PPM1L: variants seen among roughly 807,000 people sequenced by gnomAD.
PPM1L encodes the protein protein phosphatase 1L.
PPM1L carries 13 observed loss-of-function variants against 31.4 expected under a neutral mutation model. The observed-to-expected ratio is 0.41, with a 90% CI of 0.27 to 0.66. The LOEUF is 0.66. PPM1L is among the 30% of genes least tolerant of loss of function. The pLI is 0.29. For synonymous variants in PPM1L, 184 were observed against 175.4 expected (o/e 1.05, Z -0.39); for missense variants, 326 against 453.7 (o/e 0.72, Z 2.56).
chr3:160,852,010 T>C (rs542721320), intron 1 of PPM1L, among the ~76,000 whole-genome samples: 7 of 152,362 alleles, frequency 4.6e-5, no homozygotes, highest in Non-Finnish European at 8.8e-5. Flanking sequence ...TTCTGTTTTA[T>C]ACATAATCAT....
intron 2 of PPM1L, among the ~76,000 whole-genome samples, chr3:161,003,989 C>T (rs1717603288): frequency 6.7e-6 from 1 of 148,532 alleles, no homozygotes; most frequent in South Asian, 2.2e-4. Flanking sequence ...TCATAGATAG[C>T]TCTTATTATT....
chr3:160,980,292 C>T (rs1716750834), intron 2 of PPM1L, among the ~76,000 whole-genome samples: 1 of 152,002 alleles, frequency 6.6e-6, no homozygotes. Context: ...TATTGCTTTT[C>T]TTTCAAGGCG....
rs528133542 is a variant in PPM1L at position 161,063,290 on chromosome 3, A to G, written c.575-2113A>G. On this transcript the variant is annotated intron_variant, in intron 2 of 3. Transcript: ENST00000498165. ...GCTTTTGCTTAATTTTCATTCTTAT[A>G]GCTTTTTAAAAATTGTTTTGATAAT... 2.0e-5 allele frequency among the ~76,000 whole-genome samples: 3 copies of G among 152,238 alleles called. No individual in the cohort carries two copies. The South Asian group carries it at 6.2e-4, about 32-fold the overall frequency.
chr3:160,954,640 G>A (rs1336412903), intron 1 of PPM1L, among the ~76,000 whole-genome samples: 1 of 152,182 alleles, frequency 6.6e-6, no homozygotes, highest in South Asian at 2.1e-4. Flanking sequence ...CTAGGATTAC[G>A]GGAGTGAGCC....
chr3:160,907,734 C>T (rs934585950), intron 1 of PPM1L, among the ~76,000 whole-genome samples: 4 of 152,150 alleles, frequency 2.6e-5, no homozygotes, highest in Non-Finnish European at 2.9e-5. Flanking sequence ...TATCACTACC[C>T]CAAGCATGTA....
Position 161,005,056 on chromosome 3 carries a change from A to T in PPM1L, c.574+43146A>T, listed in dbSNP as rs11713987. On this transcript the variant is annotated intron_variant, in intron 2 of 3. Transcript: ENST00000498165. ...GTATGTTGTGTCTTTGTTCTCATTG[A>T]TTTCAAAGAACATCTTTATTTCTGC... is the stretch of plus-strand genomic sequence containing the variant. Among the ~76,000 whole-genome samples the T allele has an allele frequency of 3.3e-5, 5 of 151,338 alleles. No individual in the cohort carries two copies. The East Asian group carries it at 5.8e-4, about 18-fold the overall frequency.
intron 1 of PPM1L, among the ~76,000 whole-genome samples, chr3:160,849,008 G>A (rs1007835627): frequency 6.6e-6 from 1 of 152,028 alleles, no homozygotes. Context: ...CAGTACTACC[G>A]CAGGGTGGAG....
intron 1 of PPM1L, among the ~76,000 whole-genome samples, chr3:160,836,172 A>G (rs1038252300): frequency 6.6e-6 from 1 of 152,178 alleles, no homozygotes; most frequent in African/African-American, 2.4e-5. Context: ...TTCTGGAAGT[A>G]TTTTTAAGAA....
At chr3:161,003,153 A>G (rs1455190400) in intron 2 of PPM1L, among the ~76,000 whole-genome samples, 2 of 151,998 alleles carry the variant, frequency 1.3e-5, no homozygotes, top group Non-Finnish European at 2.9e-5. Flanking sequence ...AGTTGTAGAT[A>G]GGTGGCGTTA....
chr3:160,791,695 T>G (rs1333494976), intron 1 of PPM1L, among the ~76,000 whole-genome samples: 2 of 152,094 alleles, frequency 1.3e-5, no homozygotes, highest in Non-Finnish European at 2.9e-5. Flanking sequence ...AGATAATGAT[T>G]AGTAATGTGA....
intron 1 of PPM1L, among the ~76,000 whole-genome samples, chr3:160,952,379 G>T (rs753524065): frequency 1.3e-5 from 2 of 152,170 alleles, no homozygotes; most frequent in Non-Finnish European, 2.9e-5. Flanking sequence ...CAAGGGCAGG[G>T]AAACCTTGCC....
chr3:160,969,011 T>G (rs1716240539), intron 2 of PPM1L, among the ~76,000 whole-genome samples: 1 of 152,204 alleles, frequency 6.6e-6, no homozygotes, highest in Non-Finnish European at 1.5e-5. Flanking sequence ...AACCAGATGG[T>G]GCACATGAGG....
chr3:161,040,310 A>G (rs551056672), intron 2 of PPM1L, among the ~76,000 whole-genome samples: 30 of 152,302 alleles, frequency 2.0e-4, no homozygotes, highest in African/African-American at 7.0e-4. Flanking sequence ...CAGAGATTTA[A>G]TTCTTAAGTA....
chr3:160,793,699 A>G (rs1430542064), intron 1 of PPM1L, among the ~76,000 whole-genome samples: 1 of 152,196 alleles, frequency 6.6e-6, no homozygotes, highest in Non-Finnish European at 1.5e-5. Context: ...AGGAATTTGA[A>G]TGAAAGAGAC....
intron 1 of PPM1L, among the ~76,000 whole-genome samples, chr3:160,826,486 G>A (rs1001282986): frequency 2.0e-5 from 3 of 152,118 alleles, no homozygotes; most frequent in African/African-American, 7.2e-5. Context: ...TAATGAATAT[G>A]GAGATATATT....
At chr3:160,824,885 C>T (rs1713310218) in intron 1 of PPM1L, among the ~76,000 whole-genome samples, 1 of 151,972 alleles carries the variant, frequency 6.6e-6, no homozygotes, top group African/African-American at 2.4e-5. Context: ...CTCTTTCCTG[C>T]CTTGGGCCTC....
chr3:160,843,621 C>G (rs1046523993), intron 1 of PPM1L, among the ~76,000 whole-genome samples: 29 of 151,514 alleles, frequency 1.9e-4, no homozygotes, highest in African/African-American at 5.1e-4. Context: ...CCCCTCTCCC[C>G]CCACACCACA....
chr3:160,788,178 G>A (rs1418597428), intron 1 of PPM1L, among the ~76,000 whole-genome samples: 1 of 152,076 alleles, frequency 6.6e-6, no homozygotes, highest in African/African-American at 2.4e-5. Flanking sequence ...GATGGGAATA[G>A]CATTGAATCT....
intron 1 of PPM1L, among the ~76,000 whole-genome samples, chr3:160,930,500 C>T (rs1714746121): frequency 6.6e-6 from 1 of 152,158 alleles, no homozygotes. Context: ...GTTCATAATA[C>T]ACAGCTTCCA....
Sources: allele counts gnomAD v4.1 joint callset (sites outside exome capture counted in the v4.1 genomes callset), GRCh38; gene constraint gnomAD v4.1.1; transcripts MANE v1.5; gene names NCBI Gene and HGNC (gene_info 2026-07-23, HGNC 2026-07-21).